The following IGF1R variants were observed in gnomAD, a reference collection of about 807,000 sequenced individuals.
IGF1R encodes the protein insulin-like growth factor 1 receptor.
In IGF1R, 44 loss-of-function variants were observed where a neutral mutation model predicts 144.6. The ratio of observed to expected loss-of-function variants is 0.30; its 90% CI spans 0.24 to 0.39. IGF1R has a LOEUF of 0.39. Ranked by LOEUF, IGF1R falls within the 10% of genes least tolerant of loss-of-function variation. The pLI, the probability that IGF1R is intolerant of heterozygous loss-of-function variation, is 1.00. For synonymous variants in IGF1R, 795 were observed against 722.8 expected (o/e 1.10, Z -1.60); for missense variants, 1,355 against 1,833.7 (o/e 0.74, Z 4.77).
At position 98,963,598 on chromosome 15, in the gene IGF1R, A is replaced by G. The variant is rs749603998; in HGVS notation, c.*6156A>G. On this transcript the variant is annotated 3_prime_UTR_variant, in exon 21 of 21. Coordinates refer to ENST00000650285, the MANE Select transcript of IGF1R (RefSeq NM_000875.5). Reference sequence around the variant, plus strand: ...TCAGCACAGTGCCATGGACATGGGAAGACTTGACTGCACAGCCAATGGTTT... The same window carrying G: ...TCAGCACAGTGCCATGGACATGGGAGGACTTGACTGCACAGCCAATGGTTT... 2 of 233,184 alleles carry G rather than the reference A, an allele frequency of 8.6e-6. No homozygotes were observed. Among genetic ancestry groups the G allele is most frequent in the African/African-American group, 2.2e-5 (1 of 45,364 alleles). The allele number at this position is 233,184 out of a possible 1,614,324, so 14.4% of individuals were successfully genotyped here.
chr15:98,746,885 A>T (rs1352985795), intron 2 of IGF1R, among the ~76,000 whole-genome samples: 1 of 152,128 alleles, frequency 6.6e-6, no homozygotes, highest in Non-Finnish European at 1.5e-5. Flanking sequence ...CAGTAATTTC[A>T]CTAATTATGG....
intron 2 of IGF1R, among the ~76,000 whole-genome samples, chr15:98,812,770 G>C (rs1329902635): frequency 6.6e-6 from 1 of 152,056 alleles, no homozygotes; most frequent in Non-Finnish European, 1.5e-5. Flanking sequence ...CTTTTATCTT[G>C]GAATTTCTTA....
chr15:98,770,866 GT>G lies in IGF1R; in HGVS notation c.640+62760del, dbSNP rs538387183. Among the ~76,000 whole-genome samples the G allele has an allele frequency of 2.7e-4, 41 of 152,238 alleles. No homozygotes were observed. The East Asian group carries it at 7.9e-3, about 29-fold the overall frequency. ...GTCAAAATTGTGTCAAAATTCGTCT[GT>G]ATGCATTTTTCTTGGTAGAAGGGTC... is the stretch of plus-strand genomic sequence containing the variant. On this transcript the variant is annotated intron_variant, in intron 2 of 20. Transcript: ENST00000650285.
intron 1 of IGF1R, among the ~76,000 whole-genome samples, chr15:98,661,980 T>TTTTTTTTTTTTTTTC (rs2052612062): frequency 1.0e-5 from 1 of 96,456 alleles, no homozygotes; most frequent in Non-Finnish European, 2.1e-5. Context: ...TTTTTTTTTT[T>TTTTTTTTTTTTTTTC]TTGAGACAGT....
rs530447246 is a variant in IGF1R at position 98,964,226 on chromosome 15, GA to G, written c.*6793del. On this transcript the variant is annotated 3_prime_UTR_variant, in exon 21 of 21. Transcript: ENST00000650285. ...GTTAAAAAAAAATTTTTTTAAGTAA[GA>G]AAAAAAAAGGTAATAACATGGCCAA... The G allele has an allele frequency of 1.2e-4, 28 of 226,554 alleles. No individual in the cohort carries two copies. Among genetic ancestry groups the G allele is most frequent in the East Asian group, 3.1e-4 (5 of 16,024 alleles). The allele number at this position is 226,554 out of a possible 1,614,324, so 14.0% of individuals were successfully genotyped here.
At chr15:98,934,556 T>C (rs914405385) in intron 15 of IGF1R, among the ~76,000 whole-genome samples, 1 of 152,268 alleles carries the variant, frequency 6.6e-6, no homozygotes, top group South Asian at 2.1e-4. Flanking sequence ...CTAGACTTCC[T>C]TGCTTTGTTC....
At chr15:98,847,506 T>C (rs558726316) in intron 2 of IGF1R, among the ~76,000 whole-genome samples, 10 of 152,316 alleles carry the variant, frequency 6.6e-5, no homozygotes, top group Admixed American at 2.0e-4. Context: ...GTCTATAAAA[T>C]GGAAGTCCTT....
At chr15:98,937,449 G>T (rs2016197838) in intron 17 of IGF1R, among the ~76,000 whole-genome samples, 1 of 152,166 alleles carries the variant, frequency 6.6e-6, no homozygotes. Context: ...TATAAAATAA[G>T]AGGGTGGGAC....
chr15:98,959,831 T>C lies in IGF1R; in HGVS notation c.*2389T>C. On this transcript the variant is annotated 3_prime_UTR_variant, in exon 21 of 21. Coordinates refer to ENST00000650285, the MANE Select transcript of IGF1R (RefSeq NM_000875.5). ...GTTTGTCCCACTGCTTTCTCTAGTC[T>C]CTATCCCATAGCGTGTTCCCTTTAA... is the stretch of plus-strand genomic sequence containing the variant. 4.3e-6 allele frequency: 1 copy of C among 230,038 alleles called. No homozygotes were observed. The highest frequency in any genetic ancestry group is 6.1e-5 in the East Asian group (1 of 16,404). The allele number at this position is 230,038 out of a possible 1,614,324, so 14.2% of individuals were successfully genotyped here.
chr15:98,927,267 A>G (rs1362754784), intron 13 of IGF1R, among the ~76,000 whole-genome samples: 1 of 152,178 alleles, frequency 6.6e-6, no homozygotes, highest in African/African-American at 2.4e-5. Flanking sequence ...CTGTCCTGCT[A>G]CAGTTTAGTC....
intron 2 of IGF1R, among the ~76,000 whole-genome samples, chr15:98,805,185 A>G (rs990408081): frequency 2.6e-5 from 4 of 152,214 alleles, no homozygotes; most frequent in African/African-American, 9.7e-5. Context: ...GGAGTCTTAT[A>G]TACATGCAGG....
At chr15:98,785,280 A>G (rs1193712656) in intron 2 of IGF1R, among the ~76,000 whole-genome samples, 1 of 152,212 alleles carries the variant, frequency 6.6e-6, no homozygotes, top group Non-Finnish European at 1.5e-5. Context: ...GTTTGTACCA[A>G]GAACTAATTG....
chr15:98,902,019 G>T (rs1348111076), intron 5 of IGF1R, among the ~76,000 whole-genome samples: 1 of 152,190 alleles, frequency 6.6e-6, no homozygotes, highest in Non-Finnish European at 1.5e-5. Context: ...AGTGTTAGCA[G>T]AGCTGTCTGA....
At chr15:98,701,998 G>C (rs2053745368) in intron 1 of IGF1R, among the ~76,000 whole-genome samples, 1 of 149,080 alleles carries the variant, frequency 6.7e-6, no homozygotes, top group Admixed American at 6.7e-5. Flanking sequence ...AGCAGGAGCT[G>C]GTAAATGGCA....
chr15:98,728,274 C>T (rs555124259), intron 2 of IGF1R, among the ~76,000 whole-genome samples: 18 of 152,216 alleles, frequency 1.2e-4, no homozygotes, highest in South Asian at 1.0e-3. Context: ...TCACAGATCC[C>T]GGTGCCTGTC....
chr15:98,881,566 ACCCGT>A (rs1183455204), intron 2 of IGF1R, among the ~76,000 whole-genome samples: 1 of 152,040 alleles, frequency 6.6e-6, no homozygotes, highest in Admixed American at 6.6e-5. Context: ...CAGGTGATCC[ACCCGT>A]CTCGGCCTTC....
At chr15:98,781,010 T>C (rs532178683) in intron 2 of IGF1R, among the ~76,000 whole-genome samples, 43 of 152,278 alleles carry the variant, frequency 2.8e-4, no homozygotes, top group Admixed American at 2.0e-3. Context: ...TCATGTCCAC[T>C]TCTCAGGAGG....
intron 2 of IGF1R, among the ~76,000 whole-genome samples, chr15:98,851,527 G>A (rs984620664): frequency 2.0e-5 from 3 of 152,114 alleles, no homozygotes; most frequent in Non-Finnish European, 2.9e-5. Context: ...TCAGTACCCC[G>A]GGGCCTTGCC....
At chr15:98,757,564 T>C (rs2055185628) in intron 2 of IGF1R, among the ~76,000 whole-genome samples, 1 of 152,210 alleles carries the variant, frequency 6.6e-6, no homozygotes, top group Non-Finnish European at 1.5e-5. Flanking sequence ...TTTTTTATTT[T>C]TCAGGGATTA....
Sources: gnomAD v4.1 joint callset for allele counts (sites outside exome capture counted in the v4.1 genomes callset) on GRCh38, gnomAD v4.1.1 for gene constraint, MANE v1.5 for transcripts, NCBI Gene and HGNC (gene_info 2026-07-23, HGNC 2026-07-21) for gene names.